FBXL5: variants seen among roughly 807,000 people sequenced by gnomAD.
FBXL5 encodes F-box/LRR-repeat protein 5.
In FBXL5, 26 loss-of-function variants were observed where a neutral mutation model predicts 78.3. The ratio of observed to expected loss-of-function variants is 0.33; its 90% confidence interval spans 0.24 to 0.46. The LOEUF (loss-of-function observed/expected upper bound fraction) is 0.46. Ranked by LOEUF, FBXL5 falls within the 20% of genes least tolerant of loss-of-function variation. FBXL5 has a pLI of 1.00. For synonymous variants in FBXL5, 295 were observed against 282.5 expected (o/e 1.04, Z -0.45); for missense variants, 710 against 829.2 (o/e 0.86, Z 1.77).
intron 9 of FBXL5, among the ~76,000 whole-genome samples, chr4:15,614,748 G>A (rs1349666560): frequency 6.6e-6 from 1 of 152,106 alleles, no homozygotes; most frequent in Admixed American, 6.5e-5. Context: ...GTGACAGCAC[G>A]CTGGCAGTCC....
chr4:15,651,005 A>G (rs182327333), intron 1 of FBXL5, among the ~76,000 whole-genome samples: 7 of 152,336 alleles, frequency 4.6e-5, no homozygotes, highest in Admixed American at 2.0e-4. Context: ...CTGATTCTCA[A>G]AAGTGGTATG....
intron 1 of FBXL5, among the ~76,000 whole-genome samples, chr4:15,674,969 A>G (rs1028309567): frequency 4.6e-5 from 7 of 152,132 alleles, no homozygotes; most frequent in African/African-American, 1.7e-4. Context: ...TTTAATGATA[A>G]ATTAATTTGT....
In FBXL5 at chr4:15,644,921, G is replaced by A. The variant is rs78104228; in HGVS notation, c.85-213C>T. 6.2e-4 allele frequency among the ~76,000 whole-genome samples: 94 copies of A among 152,164 alleles called. 2 individuals carry two copies. The East Asian group carries it at 0.018, about 29-fold the overall frequency. On this transcript the variant is annotated intron_variant, in intron 1 of 10. Coordinates refer to ENST00000341285, the MANE Select transcript of FBXL5 (RefSeq NM_012161.4). ...GAAGATGTTGGTTTGCATTCTGGAG[G>A]GCCTGGTGACACAGAAAAATGATAT...
chr4:15,631,362 G>C (rs1002002086), intron 5 of FBXL5, among the ~76,000 whole-genome samples: 4 of 152,182 alleles, frequency 2.6e-5, no homozygotes, highest in African/African-American at 9.7e-5. Flanking sequence ...ATTGTGAATA[G>C]TGCCACAATA....
rs2148504539 is a variant in FBXL5, at chr4:15,605,812, A to G, written c.2000-13T>C. Reference sequence around the variant, plus strand: ...TCAGCATGAGGACCTGTATGAAAACAGAAAAATGTGAAAGGAGGAATTTCT... The same window carrying G: ...TCAGCATGAGGACCTGTATGAAAACGGAAAAATGTGAAAGGAGGAATTTCT... On this transcript the variant is annotated splice_polypyrimidine_tract_variant and intron_variant, in intron 10 of 10. Transcript: ENST00000341285. 1 of 1,599,298 alleles carries G rather than the reference A, an allele frequency of 6.3e-7. No individual in the cohort carries two copies. Among genetic ancestry groups the G allele is most frequent in the Middle Eastern group, 1.7e-4 (1 of 6,020 alleles).
chr4:15,658,053 A>G (rs1006295765), upstream of FBXL5, among the ~76,000 whole-genome samples: 2 of 152,236 alleles, frequency 1.3e-5, no homozygotes, highest in East Asian at 3.8e-4. Flanking sequence ...GCAACCTAAA[A>G]ATATAACTTA....
chr4:15,646,113 T>C (rs1354244346), intron 1 of FBXL5, among the ~76,000 whole-genome samples: 1 of 152,200 alleles, frequency 6.6e-6, no homozygotes, highest in African/African-American at 2.4e-5. Flanking sequence ...GGCCATGTGG[T>C]CTGTAGCAAT....
At chr4:15,611,792 G>C (rs964318457) in intron 10 of FBXL5, among the ~76,000 whole-genome samples, 1 of 151,974 alleles carries the variant, frequency 6.6e-6, no homozygotes, top group Non-Finnish European at 1.5e-5. Context: ...GCTAAGAGTT[G>C]TCATCAGATC....
At chr4:15,651,899 CAA>C (rs960745394) in intron 1 of FBXL5, among the ~76,000 whole-genome samples, 3 of 152,150 alleles carry the variant, frequency 2.0e-5, no homozygotes, top group African/African-American at 7.2e-5. Context: ...GAAATCAATT[CAA>C]AGAGACCACT....
At chr4:15,656,361 A>G, upstream of FBXL5, 1 of 447,418 alleles carries the variant, frequency 2.2e-6, no homozygotes, top group South Asian at 1.6e-5. Flanking sequence ...ATAGAGAAAT[A>G]GGAGAAAACA....
chr4:15,621,787 G>A (rs1712507476), intron 9 of FBXL5, among the ~76,000 whole-genome samples: 1 of 152,136 alleles, frequency 6.6e-6, no homozygotes, highest in African/African-American at 2.4e-5. Context: ...TGTTCCCTAT[G>A]GTTTCAAACT....
chr4:15,641,590 TTA>T (rs778377325), intron 2 of FBXL5: 9 of 458,244 alleles, frequency 2.0e-5, no homozygotes, highest in South Asian at 1.1e-4. Context: ...TTCGATTGTT[TTA>T]TGTTATTGGT....
chr4:15,673,936 C>G (rs543958693), intron 1 of FBXL5, among the ~76,000 whole-genome samples: 1 of 152,224 alleles, frequency 6.6e-6, no homozygotes, highest in Non-Finnish European at 1.5e-5. Flanking sequence ...TCAAGGTTCA[C>G]TGTCCTTCAT....
chr4:15,620,233 T>C (rs1220917704), intron 9 of FBXL5, among the ~76,000 whole-genome samples: 2 of 151,964 alleles, frequency 1.3e-5, no homozygotes, highest in Non-Finnish European at 2.9e-5. Flanking sequence ...ACCATAGAGG[T>C]AAAGGACTTG....
At chr4:15,633,255 C>G (rs1454790524) in intron 5 of FBXL5, among the ~76,000 whole-genome samples, 2 of 152,278 alleles carry the variant, frequency 1.3e-5, no homozygotes, top group South Asian at 4.1e-4. Context: ...TGCTATGTAT[C>G]TACTTTCTAT....
chr4:15,633,432 T>G (rs1043335883), intron 5 of FBXL5, among the ~76,000 whole-genome samples: 1 of 152,158 alleles, frequency 6.6e-6, no homozygotes, highest in African/African-American at 2.4e-5. Flanking sequence ...GGAAGCAGGA[T>G]TGTCTACTCT....
chr4:15,608,145 G>T (rs1722007940), intron 10 of FBXL5, among the ~76,000 whole-genome samples: 3 of 152,118 alleles, frequency 2.0e-5, no homozygotes, highest in Admixed American at 2.0e-4. Context: ...TAAAAGGACA[G>T]AAAGGTAAGG....
chr4:15,674,937 C>T (rs1717927146), intron 1 of FBXL5, among the ~76,000 whole-genome samples: 1 of 152,154 alleles, frequency 6.6e-6, no homozygotes, highest in Non-Finnish European at 1.5e-5. Context: ...GCACGAGCCA[C>T]CGCACCCAGT....
chr4:15,615,130 C>G (rs1029563962), intron 9 of FBXL5, among the ~76,000 whole-genome samples: 1 of 152,162 alleles, frequency 6.6e-6, no homozygotes, highest in African/African-American at 2.4e-5. Flanking sequence ...GATTTCTCAC[C>G]GAGCCTTAGC....
Sources: gnomAD v4.1 joint callset for allele counts (sites outside exome capture counted in the v4.1 genomes callset) on GRCh38, gnomAD v4.1.1 for gene constraint, MANE v1.5 for transcripts, NCBI Gene and HGNC (gene_info 2026-07-23, HGNC 2026-07-21) for gene names.